Variants in H2AZ1 observed in about 807,000 individuals in gnomAD.
The protein encoded by H2AZ1 is H2A.Z variant histone 1.
Under a neutral mutation model 16.6 loss-of-function variants are expected in H2AZ1, and 3 were observed. The observed-to-expected ratio is 0.18, with a 90% CI of 0.08 to 0.47. The LOEUF is 0.47. Among genes scored for constraint, H2AZ1 ranks in the 20% least tolerant of loss-of-function variants. H2AZ1 has a pLI of 0.98. For synonymous variants in H2AZ1, 78 were observed against 60.7 expected (o/e 1.28, Z -1.32); for missense variants, 27 against 163.6 (o/e 0.17, Z 4.55).
intron 2 of H2AZ1, 97 bp downstream of exon 2, chr4:99,949,566 A>G (rs1176739287): frequency 8.4e-7 from 1 of 1,186,636 alleles, no homozygotes; most frequent in Non-Finnish European, 1.3e-6. Context: ...CGCATCACCC[A>G]CGCATACACA....
At chr4:99,949,855 G>A in intron 1 of H2AZ1, 115 bp from the exon 2 acceptor site, 1 of 547,752 alleles carries the variant, frequency 1.8e-6, no homozygotes, top group Non-Finnish European at 2.7e-6. Context: ...CCCGCACCCT[G>A]CCGGGGTCTC....
At chr4:99,949,481 G>A in intron 2 of H2AZ1, 95 bp from the exon 3 acceptor site, 1 of 1,014,144 alleles carries the variant, frequency 9.9e-7, no homozygotes, top group Non-Finnish European at 1.6e-6. Context: ...CACGGGCGCA[G>A]CAACGCGTCC....
chr4:99,948,574 A>G, intron 4 of H2AZ1, 51 bp from the exon 5 acceptor site: 1 of 1,603,232 alleles, frequency 6.2e-7, no homozygotes, highest in Non-Finnish European at 8.5e-7. Flanking sequence ...AAAAAATCAC[A>G]GTATTTGAAA....
chr4:99,949,470 G>A, intron 2 of H2AZ1, 84 bp from the exon 3 acceptor site: 1 of 1,042,694 alleles, frequency 9.6e-7, no homozygotes, highest in Non-Finnish European at 1.5e-6. Context: ...AAAGCAAGGG[G>A]CACGGGCGCA....
Position 99,949,656 on chromosome 4 carries a change from T to C in H2AZ1, c.81+7A>G. The C allele has an allele frequency of 6.2e-7, 1 of 1,612,312 alleles. No individual in the cohort carries two copies. On this transcript the variant is annotated splice_region_variant and intron_variant, in intron 2 of 4. Coordinates refer to ENST00000296417, the MANE Select transcript of H2AZ1 (RefSeq NM_002106.4). ...ATGACTCCCAGACTGCACGAACAAC[T>C]ACTGACCTGCAAGCCGGCTCTCTGC...
chr4:99,949,074 G>C, intron 3 of H2AZ1, 134 bp from the exon 4 acceptor site: 2 of 711,724 alleles, frequency 2.8e-6, no homozygotes, highest in Non-Finnish European at 5.0e-6. Context: ...GATATACAGG[G>C]GGCACGCAAT....
chr4:99,950,083 A>G, intron 1 of H2AZ1, 85 bp downstream of exon 1: 2 of 1,368,686 alleles, frequency 1.5e-6, no homozygotes, highest in Non-Finnish European at 2.1e-6. Context: ...AACCGTCGCC[A>G]CTTCACCCCC....
intron 1 of H2AZ1, 22 bp downstream of exon 1, chr4:99,950,146 C>A: frequency 6.2e-7 from 1 of 1,608,058 alleles, no homozygotes. Context: ...GCGGAGTCAT[C>A]GAGCGTCTCT....
chr4:99,949,520 C>G (rs1348077183), intron 2 of H2AZ1, 134 bp from the exon 3 acceptor site: 4 of 989,226 alleles, frequency 4.0e-6, no homozygotes, highest in African/African-American at 1.6e-5. Flanking sequence ...TTCCTCCCCC[C>G]CATATTTATC....
At chr4:99,949,854 T>C (rs1727236615) in intron 1 of H2AZ1, 114 bp from the exon 2 acceptor site, 1 of 536,892 alleles carries the variant, frequency 1.9e-6, no homozygotes, top group Non-Finnish European at 2.8e-6. Context: ...CCCCGCACCC[T>C]GCCGGGGTCT....
chr4:99,949,649 G>C lies in H2AZ1; in HGVS notation c.81+14C>G. ...AAACATCATGACTCCCAGACTGCAC[G>C]AACAACTACTGACCTGCAAGCCGGC... On this transcript the variant is annotated intron_variant, in intron 2 of 4. Transcript: ENST00000296417. The C allele has an allele frequency of 6.2e-7, 1 of 1,610,348 alleles. No individual in the cohort carries two copies. Among genetic ancestry groups the C allele is most frequent in the Non-Finnish European group, 8.5e-7 (1 of 1,176,548 alleles).
Position 99,950,207 on chromosome 4 carries a change from GA to G in H2AZ1, c.-38del. 1 of 1,603,968 alleles carries G rather than the reference GA, an allele frequency of 6.2e-7. No homozygotes were observed. On this transcript the variant is annotated 5_prime_UTR_variant, in exon 1 of 5. Transcript: ENST00000296417. ...CTGAAGCTCAAGCAAGCAAGGCAGAGAAAAGGCTAATCGGACCCACGGTGAG... is the reference window on the plus strand; with the variant it reads ...CTGAAGCTCAAGCAAGCAAGGCAGAGAAAGGCTAATCGGACCCACGGTGAG...
chr4:99,948,784 T>A, intron 4 of H2AZ1, 27 bp downstream of exon 4: 1 of 1,576,308 alleles, frequency 6.3e-7, no homozygotes, highest in Non-Finnish European at 8.6e-7. Context: ...CTGAAGAAAT[T>A]TTTTAAAATG....
intron 3 of H2AZ1, 157 bp downstream of exon 3, chr4:99,949,116 G>C: frequency 1.5e-6 from 1 of 665,502 alleles, no homozygotes; most frequent in East Asian, 2.7e-5. Context: ...CTCAAGCTCA[G>C]TAGGATCCTT....
chr4:99,950,229 G>C lies in H2AZ1; in HGVS notation c.-59C>G. 3.8e-6 allele frequency: 6 copies of C among 1,560,336 alleles called. No individual in the cohort carries two copies. The highest frequency in any genetic ancestry group is 5.3e-6 in the Non-Finnish European group (6 of 1,138,880). ...AGAGAAAAGGCTAATCGGACCCACG[G>C]TGAGATCCCACCACCTACTCCTTCG... On this transcript the variant is annotated 5_prime_UTR_variant, in exon 1 of 5. Coordinates refer to ENST00000296417, the MANE Select transcript of H2AZ1 (RefSeq NM_002106.4).
rs1049242785 is a variant in H2AZ1 at position 99,950,268 on chromosome 4, C to T, written c.-98G>A. On this transcript the variant is annotated 5_prime_UTR_variant, in exon 1 of 5. Transcript: ENST00000296417. ...CCTACTCCTTCGTCGCACCGCGATT[C>T]AAACTGCGCTGTCTCCCGCCTTCCC... 1 of 1,152,300 alleles carries T rather than the reference C, an allele frequency of 8.7e-7. No homozygotes were observed. The highest frequency in any genetic ancestry group is 1.3e-5 in the South Asian group (1 of 78,322). The allele number at this position is 1,152,300 out of a possible 1,614,324, so 71.4% of individuals were successfully genotyped here.
Position 99,948,857 on chromosome 4 carries a change from T to C in H2AZ1, c.279A>G (p.Gly93=). The part of the protein sequence containing the change: ...TPRHLQLAIR[G]DEELDSLIKA... ...TGATGAGAGAATCCAATTCTTCATC[T>C]CCACGAATAGCAAGTTGCAAGTGAC... is the stretch of plus-strand genomic sequence containing the variant. The change falls in exon 4 of 5, where the codon GGA becomes GGG. Residue 93 remains glycine, a synonymous_variant. Coordinates refer to ENST00000296417, the MANE Select transcript of H2AZ1 (RefSeq NM_002106.4). 1 of 1,612,648 alleles carries C rather than the reference T, an allele frequency of 6.2e-7. No individual in the cohort carries two copies. Among genetic ancestry groups the C allele is most frequent in the Non-Finnish European group, 8.5e-7 (1 of 1,178,654 alleles).
At chr4:99,949,797 G>A (rs1318694812) in intron 1 of H2AZ1, 57 bp from the exon 2 acceptor site, 1 of 1,384,534 alleles carries the variant, frequency 7.2e-7, no homozygotes. Flanking sequence ...GAATTACCAA[G>A]GCGGCGCGCC....
At position 99,950,151 on chromosome 4, in the gene H2AZ1, G is replaced by T; in HGVS notation, c.3+17C>A. 5.0e-6 allele frequency: 8 copies of T among 1,608,618 alleles called. No homozygotes were observed. Among genetic ancestry groups the T allele is most frequent in the Non-Finnish European group, 6.8e-6 (8 of 1,177,388 alleles). ...GCAAAAACCCGCGGAGTCATCGAGC[G>T]TCTCTGCGAAGTTTACCATTTCGAA... On this transcript the variant is annotated intron_variant, in intron 1 of 4. Transcript: ENST00000296417.
Sources: allele counts gnomAD v4.1 joint callset, GRCh38; gene constraint gnomAD v4.1.1; transcripts MANE v1.5; gene names NCBI Gene and HGNC (gene_info 2026-07-23, HGNC 2026-07-21).